ATP2B2: variants seen among roughly 807,000 people sequenced by gnomAD.
ATP2B2 encodes the protein ATPase plasma membrane Ca2+ transporting 2.
ATP2B2 carries 15 observed loss-of-function variants against 120.0 expected under a neutral mutation model. The observed-to-expected ratio is 0.12, with a 90% CI of 0.08 to 0.19. ATP2B2 has a LOEUF of 0.19. Among genes scored for constraint, ATP2B2 ranks in the 10% least tolerant of loss-of-function variants. The pLI is 1.00. For synonymous variants in ATP2B2, 694 were observed against 700.3 expected (o/e 0.99, Z 0.14); for missense variants, 1,045 against 1,719.8 (o/e 0.61, Z 6.94).
rs115801538 is a variant in ATP2B2, at chr3:10,511,913, C to T, written c.-320+22126G>A. 5.3e-3 allele frequency among the ~76,000 whole-genome samples: 799 copies of T among 152,152 alleles called. 7 individuals are homozygous for T. The highest frequency in any genetic ancestry group is 0.018 in the African/African-American group (760 of 41,492). On this transcript the variant is annotated intron_variant, in intron 3 of 21. Transcript: ENST00000646379. The stretch of plus-strand genomic sequence containing the variant: ...TTCACTCTTGCTGAAAGGCTGCCTC[C>T]CTGAAGAAAGAAGAGGTGAAGAAAG...
At chr3:10,681,885 C>T (rs1406833441) in intron 1 of ATP2B2, among the ~76,000 whole-genome samples, 1 of 152,140 alleles carries the variant, frequency 6.6e-6, no homozygotes, top group African/African-American at 2.4e-5. Flanking sequence ...TGAGAATTTG[C>T]AATTTGGTAT....
rs561541166 is a variant in ATP2B2 at position 10,618,376 on chromosome 3, A to G, written c.-415+1541T>C. ...GCACGGCAAATACCAGTTCCCACGC[A>G]AATTAGCACCTCACTGAGCCCCAGG... On this transcript the variant is annotated intron_variant, in intron 2 of 21. Coordinates refer to the ATP2B2 transcript ENST00000646379. 9.8e-5 allele frequency among the ~76,000 whole-genome samples: 15 copies of G among 152,310 alleles called. No homozygotes were observed. In the South Asian group the frequency reaches 2.9e-3, roughly 30 times the overall value.
chr3:10,498,242 G>C (rs1452251529), intron 1 of ATP2B2, among the ~76,000 whole-genome samples: 2 of 152,242 alleles, frequency 1.3e-5, no homozygotes, highest in Non-Finnish European at 2.9e-5. Flanking sequence ...AGGACATGCA[G>C]CTGGTCAGCG....
At chr3:10,599,117 T>C (rs2068838215) in intron 2 of ATP2B2, among the ~76,000 whole-genome samples, 1 of 152,174 alleles carries the variant, frequency 6.6e-6, no homozygotes, top group South Asian at 2.1e-4. Context: ...GGGGCCTTAG[T>C]CCACACTCTG....
chr3:10,409,344 T>A (rs1287415617), intron 3 of ATP2B2, among the ~76,000 whole-genome samples: 2 of 152,232 alleles, frequency 1.3e-5, no homozygotes, highest in Non-Finnish European at 2.9e-5. Flanking sequence ...ATCTACCTTT[T>A]AGTTTTTAAT....
chr3:10,344,971 C>A (rs1559537608), intron 18 of ATP2B2, among the ~76,000 whole-genome samples: 1 of 152,210 alleles, frequency 6.6e-6, no homozygotes, highest in Non-Finnish European at 1.5e-5. Context: ...GCCCCAGGGC[C>A]CCCACTGGCT....
At chr3:10,455,648 A>G (rs2064227024) in intron 1 of ATP2B2, among the ~76,000 whole-genome samples, 1 of 152,208 alleles carries the variant, frequency 6.6e-6, no homozygotes, top group South Asian at 2.1e-4. Context: ...TCAGCTCTCA[A>G]CACTGCACAG....
At chr3:10,664,326 T>A (rs745610926) in intron 1 of ATP2B2, among the ~76,000 whole-genome samples, 15 of 152,118 alleles carry the variant, frequency 9.9e-5, no homozygotes, top group Non-Finnish European at 1.9e-4. Flanking sequence ...ATTTGGTTTA[T>A]CCTTAACAAC....
chr3:10,695,251 G>GGAGGGGGAGAGAGAGAGAGAGAGAGA (rs60247955), intron 1 of ATP2B2, among the ~76,000 whole-genome samples: 4 of 126,968 alleles, frequency 3.2e-5, no homozygotes, highest in African/African-American at 1.4e-4. Flanking sequence ...AGGGAGGGAG[G>GGAGGGGGAGAGAGAGAGAGAGAGAGA]GAGAGAGAGA....
At chr3:10,580,369 T>G (rs1372895940) in intron 2 of ATP2B2, among the ~76,000 whole-genome samples, 1 of 152,186 alleles carries the variant, frequency 6.6e-6, no homozygotes, top group African/African-American at 2.4e-5. Flanking sequence ...CAGGGGTTTC[T>G]GTGTGTCTTG....
intron 3 of ATP2B2, among the ~76,000 whole-genome samples, chr3:10,527,107 C>T (rs1485369003): frequency 6.6e-6 from 1 of 152,186 alleles, no homozygotes; most frequent in Non-Finnish European, 1.5e-5. Flanking sequence ...GAAACTGACA[C>T]CATGACCTAG....
intron 2 of ATP2B2, among the ~76,000 whole-genome samples, chr3:10,607,591 A>T (rs1454143335): frequency 6.6e-6 from 1 of 152,142 alleles, no homozygotes; most frequent in Admixed American, 6.5e-5. Flanking sequence ...TGCACAACCA[A>T]CCTGCTCAGT....
chr3:10,578,670 C>T (rs1164341785), intron 2 of ATP2B2, among the ~76,000 whole-genome samples: 1 of 152,150 alleles, frequency 6.6e-6, no homozygotes, highest in East Asian at 1.9e-4. Flanking sequence ...TGCCCACCCA[C>T]AAGAGAACAG....
rs1370229033 is a variant in ATP2B2 at position 10,447,922 on chromosome 3, CAGTG to C, written c.199+1419_199+1422del. Among the ~76,000 whole-genome samples the C allele has an allele frequency of 2.6e-5, 4 of 152,218 alleles. No homozygotes were observed. The East Asian group carries it at 7.7e-4, about 29-fold the overall frequency. ...TGGGCTCAGGCGATGGGCAAAATGT[CAGTG>C]AGAACAGTCAATGTGGGAAGAAGAA... is the stretch of plus-strand genomic sequence containing the variant. On this transcript the variant is annotated intron_variant, in intron 2 of 22. Coordinates refer to ENST00000360273, the MANE Select transcript of ATP2B2 (RefSeq NM_001001331.4).
intron 3 of ATP2B2, among the ~76,000 whole-genome samples, chr3:10,522,691 C>T (rs949694699): frequency 1.3e-5 from 2 of 152,228 alleles, no homozygotes; most frequent in African/African-American, 2.4e-5. Flanking sequence ...CTGGGATCTA[C>T]AGCTGATGGT....
chr3:10,383,935 C>G (rs2061600816), intron 8 of ATP2B2, among the ~76,000 whole-genome samples: 1 of 152,112 alleles, frequency 6.6e-6, no homozygotes, highest in Non-Finnish European at 1.5e-5. Flanking sequence ...AGTGGGTGCC[C>G]CCTCTAGGTT....
intron 1 of ATP2B2, among the ~76,000 whole-genome samples, chr3:10,476,704 G>C (rs2065216747): frequency 1.3e-5 from 2 of 152,236 alleles, no homozygotes; most frequent in South Asian, 4.1e-4. Context: ...AATTATTCCA[G>C]ACACCAAGTT....
chr3:10,386,402 G>A (rs2061680860), intron 7 of ATP2B2, 78 bp downstream of exon 7: 3 of 1,508,510 alleles, frequency 2.0e-6, no homozygotes, highest in Admixed American at 3.3e-5. Context: ...TGTGCTGGTG[G>A]TCTAGGGGCA....
chr3:10,486,795 C>T (rs992437046), intron 1 of ATP2B2, among the ~76,000 whole-genome samples: 3 of 152,198 alleles, frequency 2.0e-5, no homozygotes, highest in African/African-American at 4.8e-5. Flanking sequence ...TCTTGGCTCA[C>T]TGTGACCTCC....
Sources: allele counts gnomAD v4.1 joint callset (sites outside exome capture counted in the v4.1 genomes callset), GRCh38; gene constraint gnomAD v4.1.1; transcripts MANE v1.5; gene names NCBI Gene and HGNC (gene_info 2026-07-23, HGNC 2026-07-21).